CYTH4: variants seen among roughly 807,000 people sequenced by gnomAD.
CYTH4 encodes the protein cytohesin-4.
A neutral mutation model predicts 57.5 loss-of-function variants in CYTH4; 22 were observed. The observed-to-expected ratio is 0.38, with a 90% CI of 0.27 to 0.55. The LOEUF (loss-of-function observed/expected upper bound fraction) is 0.55, where lower values mean the gene tolerates loss of function less well. CYTH4 is among the 20% of genes least tolerant of loss of function. CYTH4 has a pLI of 0.74. For synonymous variants in CYTH4, 186 were observed against 206.5 expected, an observed-to-expected ratio of 0.90 and a Z score of 0.85; for missense variants, 420 against 535.6, an observed-to-expected ratio of 0.78 and a Z score of 2.13.
intron 6 of CYTH4, chr22:37,300,176 T>C (rs1929128430): frequency 4.2e-6 from 3 of 717,444 alleles, no homozygotes; most frequent in Non-Finnish European, 7.8e-6. Flanking sequence ...GCATCTGATC[T>C]GGGCTTTGGA....
chr22:37,312,160 G>T lies in CYTH4; in HGVS notation c.1098G>T (p.Trp366Cys). 1 of 1,614,198 alleles carries T rather than the reference G, an allele frequency of 6.2e-7. No homozygotes were observed. Among genetic ancestry groups the T allele is most frequent in the Admixed American group, 1.7e-5 (1 of 60,032 alleles). The change falls in exon 12 of 13, where the codon TGG (tryptophan) becomes TGT (cysteine). Residue 366 changes from tryptophan (W) to cysteine (C), a missense_variant. Trp to Cys is a radical substitution (Grantham distance 215, BLOSUM62 -2). Coordinates refer to ENST00000248901, the MANE Select transcript of CYTH4 (RefSeq NM_013385.5). ...SATSAEERDQ[W>C]IESIRASITR... The stretch of plus-strand genomic sequence containing the variant: ...CCAGTGCCGAGGAACGTGACCAGTG[G>T]ATCGAGTCCATCCGGTAAGGGGTGC...
chr22:37,299,367 G>A lies in CYTH4; in HGVS notation c.434+61G>A, dbSNP rs117515586. ...GGTGGCACAGCCCCAGTGGCTGGGG[G>A]TGTCGCGATCCACATAGCTGACAGC... On this transcript the variant is annotated intron_variant, in intron 6 of 12. Coordinates refer to ENST00000248901, the MANE Select transcript of CYTH4 (RefSeq NM_013385.5). 1,113 of 1,430,580 alleles carry A rather than the reference G, an allele frequency of 7.8e-4. 11 individuals are homozygous for A. In the East Asian group the frequency reaches 0.024, roughly 31 times the overall value. The allele number at this position is 1,430,580 out of a possible 1,614,324, so 88.6% of individuals were successfully genotyped here. A position where few individuals can be genotyped will look rare whatever the true frequency, so the allele number is the denominator to read the frequency against.
chr22:37,285,933 A>T (rs1345350455), intron 1 of CYTH4, among the ~76,000 whole-genome samples: 2 of 152,138 alleles, frequency 1.3e-5, no homozygotes, highest in African/African-American at 4.8e-5. Flanking sequence ...CCCCCGTCAG[A>T]AGGGGACAGG....
chr22:37,299,480 G>A (rs889042915), intron 6 of CYTH4, among the ~76,000 whole-genome samples, 174 bp downstream of exon 6: 3 of 152,238 alleles, frequency 2.0e-5, no homozygotes, highest in East Asian at 1.9e-4. Flanking sequence ...GAGCTGGACC[G>A]CCTGGGAAAG....
chr22:37,285,901 T>C (rs536554277), intron 1 of CYTH4, among the ~76,000 whole-genome samples: 1 of 152,210 alleles, frequency 6.6e-6, no homozygotes, highest in East Asian at 1.9e-4. Context: ...CTTTGACCAG[T>C]TGCCACCTAT....
intron 7 of CYTH4, among the ~76,000 whole-genome samples, chr22:37,301,270 C>T (rs55934788): frequency 0.16 from 23,804 of 152,120 alleles, 2,360 homozygotes; most frequent in South Asian, 0.24. Flanking sequence ...CAGCAGCACC[C>T]CTTTCTGAGG....
At chr22:37,310,125 C>T (rs1472076008) in intron 9 of CYTH4, 2 of 409,984 alleles carry the variant, frequency 4.9e-6, no homozygotes, top group African/African-American at 2.1e-5. Context: ...TACCAAGCCC[C>T]GTGCCAGTCC....
At chr22:37,291,666 G>A (rs930704764) in intron 1 of CYTH4, among the ~76,000 whole-genome samples, 1 of 152,120 alleles carries the variant, frequency 6.6e-6, no homozygotes, top group Non-Finnish European at 1.5e-5. Flanking sequence ...GGCTGGAGAG[G>A]TTGTGGAGGC....
intron 1 of CYTH4, among the ~76,000 whole-genome samples, chr22:37,290,415 C>T (rs930957856): frequency 1.3e-5 from 2 of 152,212 alleles, no homozygotes; most frequent in Non-Finnish European, 2.9e-5. Context: ...TCCCTTGGAA[C>T]CCAGCCTCTC....
intron 6 of CYTH4, chr22:37,300,100 A>T (rs1929125290): frequency 1.4e-6 from 1 of 717,486 alleles, no homozygotes; most frequent in African/African-American, 1.7e-5. Context: ...AAAGTGTTTA[A>T]AACTGGTCCA....
rs141696910 is a variant in CYTH4 at position 37,311,203 on chromosome 22, G to T, written c.885+139G>T. Reference sequence around the variant, plus strand: ...AGTCCCCCTCCATGCCCATTTTACAGATGGGGAAAACGGGTACACAGAGGA... The same window carrying T: ...AGTCCCCCTCCATGCCCATTTTACATATGGGGAAAACGGGTACACAGAGGA... On this transcript the variant is annotated intron_variant, in intron 10 of 12. Coordinates refer to ENST00000248901, the MANE Select transcript of CYTH4 (RefSeq NM_013385.5). This position sits in a 1 kb window ranked among gnomAD's most constrained non-coding sequence, Gnocchi z 4.4. 1.0e-4 allele frequency: 107 copies of T among 1,058,518 alleles called. No homozygotes were observed. The East Asian group carries it at 2.5e-3, about 24-fold the overall frequency. 65.6% of individuals were successfully genotyped at this position (1,058,518 alleles called of 1,614,324 possible). A position where few individuals can be genotyped will look rare whatever the true frequency, so the allele number is the denominator to read the frequency against.
chr22:37,294,574 G>A, intron 2 of CYTH4, 86 bp from the exon 3 acceptor site: 2 of 1,478,048 alleles, frequency 1.4e-6, no homozygotes, highest in Non-Finnish European at 1.9e-6. Flanking sequence ...CGTGCCCAGG[G>A]GTAGGAGTGG....
intron 8 of CYTH4, chr22:37,304,347 A>G (rs976624187): frequency 2.7e-5 from 12 of 448,144 alleles, no homozygotes; most frequent in East Asian, 7.0e-5. Flanking sequence ...AGGGCTTCCA[A>G]TGACAGCCTC....
intron 9 of CYTH4, 144 bp from the exon 10 acceptor site, chr22:37,310,844 T>G: frequency 1.4e-6 from 1 of 729,402 alleles, no homozygotes; most frequent in Non-Finnish European, 2.3e-6. Flanking sequence ...AAGGGATAGA[T>G]GTTGGGGGGA....
At position 37,282,531 on chromosome 22, in the gene CYTH4, G is replaced by A. The variant is rs76561869; in HGVS notation, c.-39G>A. On this transcript the variant is annotated 5_prime_UTR_variant, in exon 1 of 13. Coordinates refer to ENST00000248901, the MANE Select transcript of CYTH4 (RefSeq NM_013385.5). ...CCGAACAGCAGCTGGGTCGGCAAGCGACAGGAGCACGGGTCATCTTTTCCC... is the reference window on the plus strand; with the variant it reads ...CCGAACAGCAGCTGGGTCGGCAAGCAACAGGAGCACGGGTCATCTTTTCCC... The A allele has an allele frequency of 8.7e-6, 14 of 1,613,156 alleles. No homozygotes were observed. The highest frequency in any genetic ancestry group is 2.7e-5 in the African/African-American group (2 of 75,002).
chr22:37,290,661 A>G (rs1221257874), intron 1 of CYTH4, among the ~76,000 whole-genome samples: 1 of 152,162 alleles, frequency 6.6e-6, no homozygotes, highest in African/African-American at 2.4e-5. Flanking sequence ...GGTGCCCACC[A>G]CCATGCCTGG....
intron 1 of CYTH4, among the ~76,000 whole-genome samples, chr22:37,283,665 G>T (rs5750404): frequency 0.36 from 54,707 of 151,736 alleles, 10,015 homozygotes; most frequent in Non-Finnish European, 0.39. Flanking sequence ...GAGGCCAAGG[G>T]AGGAAAACAG....
Position 37,314,534 on chromosome 22 carries a change from C to A in CYTH4, c.*1023C>A. 5.0e-6 allele frequency: 2 copies of A among 397,682 alleles called. No homozygotes were observed. Among genetic ancestry groups the A allele is most frequent in the South Asian group, 2.6e-4 (2 of 7,576 alleles). 24.6% of individuals were successfully genotyped at this position (397,682 alleles called of 1,614,324 possible). On this transcript the variant is annotated 3_prime_UTR_variant, in exon 13 of 13. Transcript: ENST00000248901. ...GAGCTCATGCTTGGAGAGAGAGAGT[C>A]TTGGCCATGGCTTTCCTGCAAGACC...
Position 37,295,057 on chromosome 22 carries a change from A to G in CYTH4, c.167+333A>G, listed in dbSNP as rs570030944. 1.5e-4 allele frequency among the ~76,000 whole-genome samples: 23 copies of G among 152,232 alleles called. No individual in the cohort carries two copies. The South Asian group carries it at 4.3e-3, about 29-fold the overall frequency. On this transcript the variant is annotated intron_variant, in intron 3 of 12. Coordinates refer to ENST00000248901, the MANE Select transcript of CYTH4 (RefSeq NM_013385.5). This position sits in a 1 kb window ranked among gnomAD's most constrained non-coding sequence, Gnocchi z 4.1. Reference sequence around the variant, plus strand: ...GCGGGGAGAAGGGAAGCTCAGCCCCAAGGGCAAGGACAAGGAAGCCCAGGG... The same window carrying G: ...GCGGGGAGAAGGGAAGCTCAGCCCCGAGGGCAAGGACAAGGAAGCCCAGGG...
Sources: gnomAD v4.1 joint callset for allele counts (sites outside exome capture counted in the v4.1 genomes callset) on GRCh38, gnomAD v4.1.1 for gene constraint, Gnocchi (gnomAD v3.1) non-coding constraint, MANE v1.5 for transcripts, NCBI Gene and HGNC (gene_info 2026-07-23, HGNC 2026-07-21) for gene names.